The following ADAM22 variants were observed in gnomAD, a reference collection of about 807,000 sequenced individuals.
The protein encoded by ADAM22 is ADAM metallopeptidase domain 22.
A neutral mutation model predicts 144.6 loss-of-function variants in ADAM22; 65 were observed. The observed-to-expected ratio is 0.45, with a 90% CI of 0.37 to 0.55. The LOEUF (loss-of-function observed/expected upper bound fraction) is 0.55, where lower values mean the gene tolerates loss of function less well. Ranked by LOEUF, ADAM22 falls within the 20% of genes least tolerant of loss-of-function variation. ADAM22 has a pLI of 0.00. For synonymous variants in ADAM22, 391 were observed against 412.6 expected (o/e 0.95, Z 0.63); for missense variants, 974 against 1,184.9 (o/e 0.82, Z 2.61).
At chr7:87,971,149 T>C (rs1311161322) in intron 2 of ADAM22, among the ~76,000 whole-genome samples, 1 of 152,226 alleles carries the variant, frequency 6.6e-6, no homozygotes, top group Non-Finnish European at 1.5e-5. Flanking sequence ...GTGTCAGCTA[T>C]GGTCATGTTA....
At chr7:88,193,343 G>T in intron 31 of ADAM22, 104 bp downstream of exon 31, 1 of 1,327,578 alleles carries the variant, frequency 7.5e-7, no homozygotes, top group Non-Finnish European at 1.0e-6. Flanking sequence ...TTGTTCCTAA[G>T]AAAATGAAAA....
intron 3 of ADAM22, among the ~76,000 whole-genome samples, chr7:88,072,574 G>C (rs2129479356): frequency 6.6e-6 from 1 of 152,264 alleles, no homozygotes; most frequent in South Asian, 2.1e-4. Flanking sequence ...CTGCATTCAG[G>C]GACTTCAGCA....
chr7:88,124,937 A>G (rs899932957), intron 7 of ADAM22, among the ~76,000 whole-genome samples: 16 of 152,002 alleles, frequency 1.1e-4, no homozygotes, highest in African/African-American at 3.9e-4. Flanking sequence ...CTCAACCATC[A>G]AAGTCTTAGG....
At chr7:88,164,441 T>C (rs777584724) in intron 23 of ADAM22, among the ~76,000 whole-genome samples, 15 of 152,088 alleles carry the variant, frequency 9.9e-5, no homozygotes, top group Non-Finnish European at 2.2e-4. Context: ...TTTGGGGTAA[T>C]TTTAACTTAC....
At chr7:87,975,743 A>G (rs1001113044) in intron 2 of ADAM22, among the ~76,000 whole-genome samples, 2 of 152,226 alleles carry the variant, frequency 1.3e-5, no homozygotes, top group African/African-American at 2.4e-5. Flanking sequence ...ACCAAGGTGA[A>G]TAACACGTGG....
chr7:88,123,170 A>G (rs1265174346), intron 7 of ADAM22, among the ~76,000 whole-genome samples: 1 of 152,098 alleles, frequency 6.6e-6, no homozygotes, highest in Non-Finnish European at 1.5e-5. Flanking sequence ...TGATTTGCCT[A>G]TGTTTTGTTA....
At chr7:88,155,307 G>A (rs1328877916) in intron 21 of ADAM22, among the ~76,000 whole-genome samples, 1 of 151,940 alleles carries the variant, frequency 6.6e-6, no homozygotes, top group Non-Finnish European at 1.5e-5. Flanking sequence ...GAGGTTGCTT[G>A]GGGTCAGGAA....
At chr7:87,940,447 A>G (rs1343921602) in intron 2 of ADAM22, among the ~76,000 whole-genome samples, 2 of 152,220 alleles carry the variant, frequency 1.3e-5, no homozygotes, top group East Asian at 1.9e-4. Context: ...TTCAATTTTC[A>G]TCCCCAAATT....
intron 3 of ADAM22, among the ~76,000 whole-genome samples, chr7:88,054,320 A>G (rs10435251): frequency 6.6e-6 from 1 of 151,856 alleles, no homozygotes; most frequent in Admixed American, 6.6e-5. Context: ...TTTCCATCAC[A>G]TGCAACATTG....
intron 3 of ADAM22, among the ~76,000 whole-genome samples, chr7:87,980,123 T>G (rs1852954497): frequency 6.6e-6 from 1 of 152,174 alleles, no homozygotes; most frequent in African/African-American, 2.4e-5. Context: ...GCGTGAAGTT[T>G]AGAATACTGG....
At chr7:88,138,011 A>C (rs1322657024) in intron 14 of ADAM22, among the ~76,000 whole-genome samples, 1 of 152,020 alleles carries the variant, frequency 6.6e-6, no homozygotes, top group Non-Finnish European at 1.5e-5. Flanking sequence ...AAAATTAACC[A>C]GTCGTGGTGG....
intron 7 of ADAM22, among the ~76,000 whole-genome samples, chr7:88,117,659 A>G (rs1451910879): frequency 6.6e-6 from 1 of 150,798 alleles, no homozygotes; most frequent in African/African-American, 2.4e-5. Context: ...TGGTATGGAG[A>G]TGCTTCCTCC....
intron 3 of ADAM22, among the ~76,000 whole-genome samples, chr7:87,987,165 G>A (rs1288714618): frequency 2.0e-5 from 3 of 152,096 alleles, no homozygotes; most frequent in Admixed American, 6.5e-5. Context: ...TCTCCCAGGT[G>A]TCAAATTACT....
chr7:87,944,351 G>C (rs988242946), intron 2 of ADAM22, among the ~76,000 whole-genome samples: 3 of 151,952 alleles, frequency 2.0e-5, no homozygotes. Context: ...TCTTTCTTTG[G>C]ATTAAACAGC....
rs1478030869 is a variant in ADAM22, at chr7:88,068,313, A to G, written c.324-7313A>G. ...TTATTCCTCTTAAATGAAATAATGA[A>G]ATTTGGATCCTTAAAGCTTCCATTT... On this transcript the variant is annotated intron_variant, in intron 3 of 31. Transcript: ENST00000413139. Among the ~76,000 whole-genome samples, 3 of 152,148 alleles carry G rather than the reference A, an allele frequency of 2.0e-5. No homozygotes were observed. In the East Asian group the frequency reaches 5.8e-4, roughly 29 times the overall value.
chr7:87,992,899 A>C (rs1790232223), intron 3 of ADAM22, among the ~76,000 whole-genome samples: 1 of 152,130 alleles, frequency 6.6e-6, no homozygotes, highest in Admixed American at 6.6e-5. Context: ...AAAACTTCAG[A>C]GGTCTCGTTG....
rs1341253363 is a variant in ADAM22 at position 88,199,172 on chromosome 7, T to C, written c.*2681T>C. 3.3e-5 allele frequency: 5 copies of C among 152,208 alleles called. No homozygotes were observed. Among genetic ancestry groups the C allele is most frequent in the African/African-American group, 1.2e-4 (5 of 41,458 alleles). The allele number at this position is 152,208 out of a possible 1,614,324, so 9.4% of individuals were successfully genotyped here. On this transcript the variant is annotated 3_prime_UTR_variant, in exon 32 of 32. Transcript: ENST00000413139. Reference sequence around the variant, plus strand: ...GCACAGCATTATTTCTCTTTAAATATCTATTTTGGAGAGAAACTTTGAGGC... The same window carrying C: ...GCACAGCATTATTTCTCTTTAAATACCTATTTTGGAGAGAAACTTTGAGGC...
At chr7:88,112,604 A>T (rs1826339360) in intron 5 of ADAM22, among the ~76,000 whole-genome samples, 1 of 152,204 alleles carries the variant, frequency 6.6e-6, no homozygotes, top group South Asian at 2.1e-4. Context: ...CAGCTATCAG[A>T]ATCTGTCTGA....
intron 26 of ADAM22, among the ~76,000 whole-genome samples, chr7:88,171,787 G>A (rs1429684633): frequency 2.0e-5 from 3 of 151,616 alleles, no homozygotes; most frequent in Middle Eastern, 3.4e-3. Context: ...TTTATCCAAC[G>A]ATACTACAAT....
Sources: allele counts gnomAD v4.1 joint callset (sites outside exome capture counted in the v4.1 genomes callset), GRCh38; gene constraint gnomAD v4.1.1; transcripts MANE v1.5; gene names NCBI Gene and HGNC (gene_info 2026-07-23, HGNC 2026-07-21).